TUNAR: variants seen among roughly 807,000 people sequenced by gnomAD.
TUNAR encodes protein TUNAR.
rs116951708 is a variant in TUNAR at position 95,886,756 on chromosome 14, G to A, written c.12+9579G>A. 3.8e-4 allele frequency among the ~76,000 whole-genome samples: 58 copies of A among 152,316 alleles called. No homozygotes were observed. The East Asian group carries it at 8.9e-3, about 23-fold the overall frequency. On this transcript the variant is annotated intron_variant, in intron 2 of 2. Coordinates refer to ENST00000678517, the Ensembl canonical transcript of TUNAR. ...TAGCACATGAAATCACTCTGGAGTC[G>A]GTCATGATCCCTGAGGCCGGCCAAT...
intron 2 of TUNAR, among the ~76,000 whole-genome samples, chr14:95,921,772 A>C (rs1287263736): frequency 1.3e-5 from 2 of 152,224 alleles, no homozygotes; most frequent in Non-Finnish European, 2.9e-5. Flanking sequence ...CAAATAGCAC[A>C]TGTCTAAAAC....
At chr14:95,894,628 C>T (rs1889231222) in intron 2 of TUNAR, among the ~76,000 whole-genome samples, 1 of 152,208 alleles carries the variant, frequency 6.6e-6, no homozygotes, top group South Asian at 2.1e-4. Context: ...AGGCCCATGA[C>T]CTTCTGCAGG....
chr14:95,879,855 T>C (rs1888949836), intron 2 of TUNAR, among the ~76,000 whole-genome samples: 1 of 152,206 alleles, frequency 6.6e-6, no homozygotes, highest in African/African-American at 2.4e-5. Flanking sequence ...TGATGAGACA[T>C]TTCCCTTGTT....
At chr14:95,916,256 C>T (rs182366611) in intron 2 of TUNAR, among the ~76,000 whole-genome samples, 1 of 152,198 alleles carries the variant, frequency 6.6e-6, no homozygotes, top group Non-Finnish European at 1.5e-5. Flanking sequence ...GGAACCACTA[C>T]GTCGGCTTTG....
chr14:95,909,156 G>C (rs1889472646), intron 2 of TUNAR, among the ~76,000 whole-genome samples: 1 of 152,146 alleles, frequency 6.6e-6, no homozygotes, highest in Non-Finnish European at 1.5e-5. Context: ...TCAGTACAGG[G>C]AGCTGTTTTT....
At chr14:95,916,861 A>G (rs1479069641) in intron 2 of TUNAR, among the ~76,000 whole-genome samples, 4 of 152,126 alleles carry the variant, frequency 2.6e-5, no homozygotes, top group African/African-American at 4.8e-5. Context: ...TTCAATGGGC[A>G]TTTCTCTGGT....
At chr14:95,907,910 C>G (rs1309192070) in intron 2 of TUNAR, among the ~76,000 whole-genome samples, 1 of 152,188 alleles carries the variant, frequency 6.6e-6, no homozygotes, top group Non-Finnish European at 1.5e-5. Flanking sequence ...TCCTCTCTGA[C>G]CTCTGCCCTG....
intron 2 of TUNAR, among the ~76,000 whole-genome samples, chr14:95,886,661 AC>A (rs1889082215): frequency 6.6e-6 from 1 of 152,122 alleles, no homozygotes. Context: ...ATGCAATTCC[AC>A]CCTCCATGGG....
intron 2 of TUNAR, among the ~76,000 whole-genome samples, chr14:95,899,894 G>A (rs1889325201): frequency 6.6e-6 from 1 of 152,216 alleles, no homozygotes; most frequent in African/African-American, 2.4e-5. Context: ...TTAGGAAAAT[G>A]TGGAAGAAAC....
intron 2 of TUNAR, among the ~76,000 whole-genome samples, chr14:95,908,371 C>T (rs191932219): frequency 3.3e-5 from 5 of 152,328 alleles, no homozygotes; most frequent in East Asian, 3.9e-4. Flanking sequence ...CCGCTCCAGA[C>T]GACCTGCCAC....
intron 2 of TUNAR, among the ~76,000 whole-genome samples, chr14:95,921,926 C>A (rs1215560460): frequency 5.9e-5 from 9 of 152,082 alleles, no homozygotes; most frequent in African/African-American, 2.2e-4. Context: ...ATTCATTTCA[C>A]CATCATATAA....
At chr14:95,918,758 C>T (rs936066242) in intron 2 of TUNAR, among the ~76,000 whole-genome samples, 1 of 152,188 alleles carries the variant, frequency 6.6e-6, no homozygotes, top group Non-Finnish European at 1.5e-5. Context: ...AACCAAGCAG[C>T]CTCCATGACA....
intron 2 of TUNAR, among the ~76,000 whole-genome samples, chr14:95,918,607 C>G (rs577957481): frequency 1.3e-5 from 2 of 152,302 alleles, no homozygotes; most frequent in African/African-American, 2.4e-5. Flanking sequence ...TTCTGTGAGT[C>G]GGAGAAGGTC....
At chr14:95,917,770 C>G (rs956868099) in intron 2 of TUNAR, among the ~76,000 whole-genome samples, 1 of 152,168 alleles carries the variant, frequency 6.6e-6, no homozygotes, top group Non-Finnish European at 1.5e-5. Context: ...ATCACAAATA[C>G]TGTTTTTTAA....
chr14:95,906,909 C>A (rs1889434671), intron 2 of TUNAR, among the ~76,000 whole-genome samples: 1 of 152,212 alleles, frequency 6.6e-6, no homozygotes, highest in African/African-American at 2.4e-5. Flanking sequence ...TTCTCTTCCA[C>A]CACCTCTAGG....
At chr14:95,908,858 C>T (rs1253830998) in intron 2 of TUNAR, among the ~76,000 whole-genome samples, 3 of 152,262 alleles carry the variant, frequency 2.0e-5, no homozygotes, top group Admixed American at 6.5e-5. Context: ...ATCCCTGGGT[C>T]CTTCCCCTAC....
At chr14:95,877,353 G>A (rs1419745044) in intron 2 of TUNAR, among the ~76,000 whole-genome samples, 176 bp downstream of exon 1, 1 of 152,228 alleles carries the variant, frequency 6.6e-6, no homozygotes, top group African/African-American at 2.4e-5. Context: ...AACTGCCCGG[G>A]CAGACCTGGT....
intron 2 of TUNAR, among the ~76,000 whole-genome samples, chr14:95,888,103 C>T (rs533665505): frequency 2.4e-4 from 36 of 152,220 alleles, no homozygotes; most frequent in Non-Finnish European, 4.7e-4. Flanking sequence ...GAAATCTGAG[C>T]TTATCCTCTA....
intron 2 of TUNAR, among the ~76,000 whole-genome samples, chr14:95,917,569 CT>C (rs887390544): frequency 1.3e-5 from 2 of 152,158 alleles, no homozygotes; most frequent in African/African-American, 2.4e-5. Flanking sequence ...CTATAGAACA[CT>C]TTAGGAAAAA....
Sources: allele counts gnomAD v4.1 joint callset (sites outside exome capture counted in the v4.1 genomes callset), GRCh38; gene constraint gnomAD v4.1.1; transcripts MANE v1.5; gene names NCBI Gene and HGNC (gene_info 2026-07-23, HGNC 2026-07-21).